CADM1: variants seen among roughly 807,000 people sequenced by gnomAD.
CADM1 encodes the protein TSLC-1.
A neutral mutation model predicts 53.1 loss-of-function variants in CADM1; 15 were observed. The observed-to-expected ratio is 0.28, with a 90% confidence interval of 0.19 to 0.44. The LOEUF (loss-of-function observed/expected upper bound fraction) is 0.44. CADM1 is among the 20% of genes least tolerant of loss of function. The probability of loss-of-function intolerance (pLI) is 1.00; values close to 1 mark genes in which losing one functional copy is unlikely to be tolerated. For missense variants in CADM1, 434 were observed against 611.3 expected (o/e 0.71, Z 3.06); for synonymous variants, 281 against 243.0 (o/e 1.16, Z -1.45).
intron 1 of CADM1, among the ~76,000 whole-genome samples, chr11:115,421,988 TC>T (rs1947769693): frequency 6.6e-6 from 1 of 152,210 alleles, no homozygotes; most frequent in Non-Finnish European, 1.5e-5. Flanking sequence ...TCCAGCCCAT[TC>T]ATGGGACTTG....
intron 1 of CADM1, among the ~76,000 whole-genome samples, chr11:115,393,703 A>C (rs138441146): frequency 1.3e-5 from 2 of 152,270 alleles, no homozygotes; most frequent in Admixed American, 6.5e-5. Context: ...CTTAAAATTC[A>C]ATCTGAAATT....
intron 1 of CADM1, among the ~76,000 whole-genome samples, chr11:115,446,636 A>T (rs188849027): frequency 1.3e-5 from 2 of 152,298 alleles, no homozygotes; most frequent in Non-Finnish European, 2.9e-5. Context: ...TATAGTGTAA[A>T]TCAGTATGAA....
intron 1 of CADM1, among the ~76,000 whole-genome samples, chr11:115,386,566 C>T (rs557479248): frequency 4.9e-4 from 75 of 152,332 alleles, no homozygotes; most frequent in African/African-American, 1.4e-3. Flanking sequence ...CTCAGGGCAT[C>T]ACATGGTGAA....
intron 1 of CADM1, among the ~76,000 whole-genome samples, chr11:115,395,685 CTTTAATGG>C (rs1414821835): frequency 6.6e-6 from 1 of 152,122 alleles, no homozygotes; most frequent in Non-Finnish European, 1.5e-5. Context: ...ACCTTGCCTA[CTTTAATGG>C]TTTATTTTAA....
intron 1 of CADM1, among the ~76,000 whole-genome samples, chr11:115,281,475 A>G (rs1483971497): frequency 6.6e-6 from 1 of 152,172 alleles, no homozygotes; most frequent in Non-Finnish European, 1.5e-5. Context: ...ACAATTCTCA[A>G]TTTTTTTAAC....
chr11:115,414,627 T>TA (rs1386785204), intron 1 of CADM1, among the ~76,000 whole-genome samples: 1 of 152,208 alleles, frequency 6.6e-6, no homozygotes, highest in Non-Finnish European at 1.5e-5. Context: ...AAAGAGTTTC[T>TA]AGTAAAGTTA....
chr11:115,469,150 T>C (rs752931340), intron 1 of CADM1, among the ~76,000 whole-genome samples: 1 of 152,224 alleles, frequency 6.6e-6, no homozygotes, highest in Non-Finnish European at 1.5e-5. Flanking sequence ...TTCTGCACTA[T>C]TGAACTCTTA....
chr11:115,476,566 G>A (rs57672221), intron 1 of CADM1, among the ~76,000 whole-genome samples: 8,266 of 152,254 alleles, frequency 0.054, 263 homozygotes, highest in Middle Eastern at 0.1. Flanking sequence ...AGCACGCTGC[G>A]TGGTAGGAGA....
chr11:115,273,705 T>G (rs867545209), intron 1 of CADM1, among the ~76,000 whole-genome samples: 10 of 152,378 alleles, frequency 6.6e-5, no homozygotes, highest in Middle Eastern at 3.4e-3. Flanking sequence ...TAAATGCCTT[T>G]CTACATGCGA....
intron 1 of CADM1, among the ~76,000 whole-genome samples, chr11:115,280,381 T>A (rs1943555026): frequency 6.6e-6 from 1 of 152,202 alleles, no homozygotes; most frequent in Non-Finnish European, 1.5e-5. Context: ...AGCAGCTTTC[T>A]TTCTAGAGGG....
Position 115,231,416 on chromosome 11 carries a change from T to C in CADM1, c.499A>G (p.Thr167Ala). 6.2e-7 allele frequency: 1 copy of C among 1,614,154 alleles called. No individual in the cohort carries two copies. The highest frequency in any genetic ancestry group is 8.5e-7 in the Non-Finnish European group (1 of 1,179,982). Reference sequence around the variant, plus strand: ...GTGGCTGGCTTGCTGGCCATAGCAGTGCAGTTGACTTCAATCTCCTCACCT... The same window carrying C: ...GTGGCTGGCTTGCTGGCCATAGCAGCGCAGTTGACTTCAATCTCCTCACCT... ...VEGEEIEVNC[T>A]AMASKPATTI... Residue 167 changes from threonine to alanine, a missense_variant, in exon 4 of 12, where the codon ACT becomes GCT. Thr to Ala is a moderately conservative substitution (Grantham distance 58). Transcript: ENST00000331581.
intron 1 of CADM1, among the ~76,000 whole-genome samples, chr11:115,290,076 A>G (rs1943848024): frequency 6.6e-6 from 1 of 152,178 alleles, no homozygotes; most frequent in Non-Finnish European, 1.5e-5. Context: ...CTCAGATCCT[A>G]GAACAGTGCC....
rs1940775286 is a variant in CADM1, at chr11:115,207,948, G to A, written c.1078+1626C>T. 1.3e-5 allele frequency among the ~76,000 whole-genome samples: 2 copies of A among 152,214 alleles called. 1 individual carries two copies. Among genetic ancestry groups the A allele is most frequent in the Admixed American group, 1.3e-4 (2 of 15,276 alleles). On this transcript the variant is annotated intron_variant, in intron 8 of 11. Transcript: ENST00000331581. ...GGTAGCAGGCAAGAAATGTGAAAAG[G>A]TAAAAACCTAGTTCTTAGTATGAAA...
At chr11:115,400,611 A>G (rs534556393) in intron 1 of CADM1, among the ~76,000 whole-genome samples, 1 of 139,356 alleles carries the variant, frequency 7.2e-6, no homozygotes, top group African/African-American at 2.7e-5. Context: ...TATATAATAT[A>G]TATCTTTTAT....
chr11:115,314,602 G>A (rs1282251683), intron 1 of CADM1, among the ~76,000 whole-genome samples: 2 of 152,098 alleles, frequency 1.3e-5, no homozygotes, highest in Middle Eastern at 3.2e-3. Flanking sequence ...TTTATTTTAG[G>A]TGGCTTTCCA....
intron 1 of CADM1, chr11:115,333,513 T>G (rs1272165718): frequency 6.6e-6 from 1 of 152,228 alleles, no homozygotes; most frequent in South Asian, 2.1e-4. Flanking sequence ...ATAAAAGCTC[T>G]GGAGTTTTCT....
chr11:115,177,061 G>A lies in CADM1; in HGVS notation c.1298-469C>T, dbSNP rs556119854. ...CCTCAGCTCATTTATTTGAACCACC[G>A]TCCCGTGTCTATATGAATCATTGTT... On this transcript the variant is annotated intron_variant, in intron 11 of 11. Transcript: ENST00000331581. 7.2e-5 allele frequency among the ~76,000 whole-genome samples: 11 copies of A among 152,272 alleles called. No individual in the cohort carries two copies. In the South Asian group the frequency reaches 2.1e-3, roughly 29 times the overall value.
At chr11:115,213,282 G>T (rs1445035825) in intron 7 of CADM1, among the ~76,000 whole-genome samples, 1 of 152,262 alleles carries the variant, frequency 6.6e-6, no homozygotes, top group African/African-American at 2.4e-5. Context: ...AGCTGAAAAC[G>T]GGCCATGCTG....
chr11:115,349,029 C>G, intron 1 of CADM1, among the ~76,000 whole-genome samples: 1 of 152,160 alleles, frequency 6.6e-6, no homozygotes, highest in Non-Finnish European at 1.5e-5. Context: ...ATAAATCAGG[C>G]AGATATACTT....
Sources: allele counts gnomAD v4.1 joint callset (sites outside exome capture counted in the v4.1 genomes callset), GRCh38; gene constraint gnomAD v4.1.1; transcripts MANE v1.5; gene names NCBI Gene and HGNC (gene_info 2026-07-23, HGNC 2026-07-21).